RYR3: variants seen among roughly 807,000 people sequenced by gnomAD.
RYR3 encodes ryanodine receptor 3.
Under a neutral mutation model 584.3 loss-of-function variants are expected in RYR3, and 207 were observed. That is an observed-to-expected ratio of 0.35 (90% CI 0.32 to 0.40). The LOEUF (loss-of-function observed/expected upper bound fraction) is 0.40, where lower values mean the gene tolerates loss of function less well. Among genes scored for constraint, RYR3 ranks in the 10% least tolerant of loss-of-function variants. RYR3 has a pLI of 1.00. For missense variants in RYR3, 5,616 were observed against 6,089.2 expected, an observed-to-expected ratio of 0.92 and a Z score of 2.59; for synonymous variants, 2,416 against 2,248.5, an observed-to-expected ratio of 1.07 and a Z score of -2.11.
At chr15:33,664,589 G>GTGTATGTATATATATATATA (rs577496539) in intron 36 of RYR3, among the ~76,000 whole-genome samples, 3 of 91,354 alleles carry the variant, frequency 3.3e-5, no homozygotes, top group African/African-American at 1.3e-4. Context: ...GTGTGTGTGT[G>GTGTATGTATATATATATATA]TATATATATA....
intron 1 of RYR3, among the ~76,000 whole-genome samples, chr15:33,387,065 G>A (rs1046617714): frequency 6.6e-5 from 10 of 151,934 alleles, no homozygotes; most frequent in Non-Finnish European, 1.5e-4. Context: ...CACCACGTTA[G>A]CCAGGATGGT....
chr15:33,542,169 C>A (rs559612746), intron 7 of RYR3, among the ~76,000 whole-genome samples: 4 of 152,160 alleles, frequency 2.6e-5, no homozygotes, highest in African/African-American at 9.6e-5. Flanking sequence ...GGTGAGAAAC[C>A]CACTTCAGCC....
intron 2 of RYR3, among the ~76,000 whole-genome samples, chr15:33,482,505 C>T (rs545497959): frequency 2.6e-5 from 4 of 152,234 alleles, no homozygotes; most frequent in East Asian, 3.9e-4. Flanking sequence ...CTGCAACCTC[C>T]CCCTCCCAGG....
In RYR3 at chr15:33,644,532, A is replaced by G. The variant is rs1566858315; in HGVS notation, c.3765+13A>G. ...TCCACACATAGAGGTAATGTTACAC[A>G]ATGTGTGTGGCCCTGGCAGGTCAGG... is the stretch of plus-strand genomic sequence containing the variant. On this transcript the variant is annotated intron_variant, in intron 28 of 103. Coordinates refer to ENST00000634891, the MANE Select transcript of RYR3 (RefSeq NM_001036.6). 1 of 1,605,252 alleles carries G rather than the reference A, an allele frequency of 6.2e-7. No individual in the cohort carries two copies. The highest frequency in any genetic ancestry group is 2.2e-5 in the East Asian group (1 of 44,772).
intron 23 of RYR3, 80 bp from the exon 24 acceptor site, chr15:33,632,869 C>A (rs2061334997): frequency 8.0e-7 from 1 of 1,252,158 alleles, no homozygotes; most frequent in Non-Finnish European, 1.1e-6. Context: ...GCGTTCTTAC[C>A]ATGTGCTCTT....
chr15:33,804,964 C>T lies in RYR3; in HGVS notation c.10012-2591C>T, dbSNP rs978663784. 4.6e-5 allele frequency among the ~76,000 whole-genome samples: 7 copies of T among 152,272 alleles called. No individual in the cohort carries two copies. In the East Asian group the frequency reaches 7.7e-4, roughly 17 times the overall value. On this transcript the variant is annotated intron_variant, in intron 69 of 103. Coordinates refer to ENST00000634891, the MANE Select transcript of RYR3 (RefSeq NM_001036.6). ...GGAAGTGGAGAAAATATACAGTGAG[C>T]CACGCTGTTACTACTTGATTAGTTG...
At chr15:33,768,820 C>T (rs1377973007) in intron 61 of RYR3, 113 bp downstream of exon 61, 1 of 983,674 alleles carries the variant, frequency 1.0e-6, no homozygotes, top group East Asian at 2.4e-5. Flanking sequence ...TAAGGTGTCA[C>T]CTAAATTTGC....
intron 32 of RYR3, among the ~76,000 whole-genome samples, chr15:33,659,008 C>T (rs2062987974): frequency 6.6e-6 from 1 of 152,180 alleles, no homozygotes; most frequent in African/African-American, 2.4e-5. Flanking sequence ...GCCTGTAGAG[C>T]AGTGTTTCTC....
chr15:33,383,812 C>T (rs1002089727), intron 1 of RYR3, among the ~76,000 whole-genome samples: 2 of 152,110 alleles, frequency 1.3e-5, no homozygotes, highest in Admixed American at 1.3e-4. Flanking sequence ...TACATACAGT[C>T]GTATGTTCAC....
rs1321030717 is a variant in RYR3, at chr15:33,853,186, C to G, written c.13671+99C>G. On this transcript the variant is annotated intron_variant, in intron 95 of 103. Coordinates refer to ENST00000634891, the MANE Select transcript of RYR3 (RefSeq NM_001036.6). ...ACAAACATGAGTAAATGTGATGCTA[C>G]TTTTATGATAATATCTCAAGAAGAG... 1.5e-5 allele frequency: 16 copies of G among 1,069,470 alleles called. No individual in the cohort carries two copies. The Admixed American group carries it at 1.5e-4, about 10-fold the overall frequency. 66.2% of individuals were successfully genotyped at this position (1,069,470 alleles called of 1,614,324 possible).
In RYR3 at chr15:33,789,624, TTATATATA is replaced by T. The variant is rs1567174689; in HGVS notation, c.9830+1194_9830+1201del. On this transcript the variant is annotated intron_variant, in intron 67 of 103. Coordinates refer to ENST00000634891, the MANE Select transcript of RYR3 (RefSeq NM_001036.6). The stretch of plus-strand genomic sequence containing the variant: ...TATATGCATGTTACCAGGTTTTATT[TTATATATA>T]TATATATATATATATATATATATAT... Among the ~76,000 whole-genome samples, 38 of 11,686 alleles carry T rather than the reference TTATATATA, an allele frequency of 3.3e-3. 1 individual carries two copies. Among genetic ancestry groups the T allele is most frequent in the Admixed American group, 6.2e-3 (3 of 484 alleles). 7.7% of individuals were successfully genotyped at this position (11,686 alleles called of 152,430 possible). A position where few individuals can be genotyped will look rare whatever the true frequency, so the allele number is the denominator to read the frequency against.
intron 1 of RYR3, among the ~76,000 whole-genome samples, chr15:33,446,826 C>T (rs1185024643): frequency 6.6e-6 from 1 of 152,218 alleles, no homozygotes; most frequent in Non-Finnish European, 1.5e-5. Context: ...TTCCTTTTAG[C>T]ACTTTAGTGT....
chr15:33,659,271 C>T (rs2063004286), intron 32 of RYR3, among the ~76,000 whole-genome samples: 1 of 152,152 alleles, frequency 6.6e-6, no homozygotes, highest in Admixed American at 6.5e-5. Context: ...TGTTGGTTTG[C>T]CTGAGTCACC....
intron 1 of RYR3, among the ~76,000 whole-genome samples, chr15:33,384,597 A>T (rs1241559461): frequency 3.0e-5 from 2 of 66,770 alleles, no homozygotes; most frequent in East Asian, 6.5e-4. Flanking sequence ...ACATATCTAT[A>T]TATGCACACA....
chr15:33,757,655 G>C (rs1346515341), intron 60 of RYR3, 59 bp downstream of exon 60: 1 of 1,558,202 alleles, frequency 6.4e-7, no homozygotes, highest in Non-Finnish European at 8.7e-7. Context: ...TAAAATGCCA[G>C]GTCCCTGTGG....
At chr15:33,675,346 A>G (rs2064106200) in intron 38 of RYR3, among the ~76,000 whole-genome samples, 1 of 152,224 alleles carries the variant, frequency 6.6e-6, no homozygotes, top group Admixed American at 6.5e-5. Flanking sequence ...AGAGTAAGTA[A>G]CTTTCCAAAA....
chr15:33,634,518 G>A, intron 24 of RYR3, 68 bp from the exon 25 acceptor site: 2 of 1,539,532 alleles, frequency 1.3e-6, no homozygotes, highest in Non-Finnish European at 1.8e-6. Context: ...CTGGGAATAT[G>A]TGAATAGGGT....
At chr15:33,844,829 A>T in intron 92 of RYR3, 33 bp from the exon 93 acceptor site, 6 of 1,589,610 alleles carry the variant, frequency 3.8e-6, no homozygotes, top group Non-Finnish European at 5.2e-6. Context: ...GTTCTTTTTG[A>T]TGTTTAATAA....
intron 1 of RYR3, among the ~76,000 whole-genome samples, chr15:33,314,086 AG>A (rs1244289194): frequency 6.6e-6 from 1 of 152,230 alleles, no homozygotes; most frequent in Non-Finnish European, 1.5e-5. Context: ...GACCTAAACA[AG>A]GGCTTTGGAA....
Sources: gnomAD v4.1 joint callset for allele counts (sites outside exome capture counted in the v4.1 genomes callset) on GRCh38, gnomAD v4.1.1 for gene constraint, MANE v1.5 for transcripts, NCBI Gene and HGNC (gene_info 2026-07-23, HGNC 2026-07-21) for gene names.